USP24: variants seen among roughly 807,000 people sequenced by gnomAD.
USP24 encodes ubiquitin carboxyl-terminal hydrolase 24.
USP24 carries 97 observed loss-of-function variants against 361.6 expected under a neutral mutation model. The ratio of observed to expected loss-of-function variants is 0.27; its 90% CI spans 0.23 to 0.32. USP24 has a LOEUF of 0.32. Among genes scored for constraint, USP24 ranks in the 10% least tolerant of loss-of-function variants. USP24 has a pLI of 1.00. For missense variants in USP24, 2,353 were observed against 3,165.6 expected, an observed-to-expected ratio of 0.74 and a Z score of 6.16; for synonymous variants, 1,098 against 1,124.6, an observed-to-expected ratio of 0.98 and a Z score of 0.47.
intron 5 of USP24, among the ~76,000 whole-genome samples, chr1:55,167,973 G>T (rs1649055242): frequency 6.6e-6 from 1 of 152,156 alleles, no homozygotes; most frequent in South Asian, 2.1e-4. Context: ...TTGGGCCACA[G>T]AGATATAAAT....
intron 6 of USP24, 59 bp downstream of exon 6, chr1:55,166,509 G>C: frequency 6.8e-7 from 1 of 1,465,434 alleles, no homozygotes; most frequent in East Asian, 2.4e-5. Context: ...CAAACTCTAG[G>C]ACGTCTCATT....
At chr1:55,173,744 A>G (rs1649680874) in intron 3 of USP24, among the ~76,000 whole-genome samples, 2 of 152,374 alleles carry the variant, frequency 1.3e-5, no homozygotes, top group Non-Finnish European at 1.5e-5. Context: ...AGCAGAAGTC[A>G]TAAGACTGAT....
In USP24 at chr1:55,094,036, A is replaced by G. The variant is rs373402782; in HGVS notation, c.6255T>C (p.His2085=). Residue 2085 remains histidine, a synonymous_variant, in exon 52 of 68, where the codon CAT becomes CAC. Transcript: ENST00000294383. ...EISPQSSPRP[H]RPNNDRLSIL... is the part of the protein sequence containing the mutation. Reference sequence around the variant, plus strand: ...TAGACAGCCGGTCATTGTTCGGCCTATGGGGCCGAGGGGATGACTGAGGTG... The same window carrying G: ...TAGACAGCCGGTCATTGTTCGGCCTGTGGGGCCGAGGGGATGACTGAGGTG... 18 of 1,613,668 alleles carry G rather than the reference A, an allele frequency of 1.1e-5. No individual in the cohort carries two copies. Among genetic ancestry groups the G allele is most frequent in the Non-Finnish European group, 1.4e-5 (16 of 1,179,790 alleles).
chr1:55,199,618 T>TGAGAGAGA (rs771516226), intron 1 of USP24, among the ~76,000 whole-genome samples: 147 of 105,428 alleles, frequency 1.4e-3, no homozygotes, highest in African/African-American at 2.6e-3. Flanking sequence ...TGTGTGTGTG[T>TGAGAGAGA]GTGTGAGAGA....
intron 45 of USP24, among the ~76,000 whole-genome samples, chr1:55,099,184 T>C (rs910377341): frequency 2.6e-5 from 4 of 152,172 alleles, no homozygotes; most frequent in Non-Finnish European, 4.4e-5. Context: ...AGAAAGAATA[T>C]GTAGGTAGGA....
intron 1 of USP24, among the ~76,000 whole-genome samples, chr1:55,206,083 G>A (rs1009353192): frequency 6.6e-6 from 1 of 152,162 alleles, no homozygotes; most frequent in African/African-American, 2.4e-5. Context: ...CAAATCCTGG[G>A]CTGAATACTC....
chr1:55,127,313 C>T lies in USP24; in HGVS notation c.3636-1555G>A, dbSNP rs372580037. Among the ~76,000 whole-genome samples, 39 of 151,944 alleles carry T rather than the reference C, an allele frequency of 2.6e-4. No homozygotes were observed. In the South Asian group the frequency reaches 4.0e-3, roughly 15 times the overall value. ...ATTCCCACCTATGGGTGAGAACATG[C>T]GGTGTTTGGTTTTTTGTCCTTGCAA... On this transcript the variant is annotated intron_variant, in intron 32 of 67. Coordinates refer to ENST00000294383, the MANE Select transcript of USP24 (RefSeq NM_015306.3).
intron 26 of USP24, 135 bp from the exon 27 acceptor site, chr1:55,138,039 C>T: frequency 1.2e-6 from 1 of 801,434 alleles, no homozygotes. Flanking sequence ...AAGACAAGAA[C>T]CCCTGCCCTC....
chr1:55,159,375 A>G (rs1035344217), intron 9 of USP24, among the ~76,000 whole-genome samples: 1 of 152,208 alleles, frequency 6.6e-6, no homozygotes, highest in African/African-American at 2.4e-5. Context: ...CATGTTAGTA[A>G]AATTCTGAAT....
At chr1:55,168,422 A>G (rs538836385) in intron 5 of USP24, among the ~76,000 whole-genome samples, 1 of 152,262 alleles carries the variant, frequency 6.6e-6, no homozygotes, top group South Asian at 2.1e-4. Context: ...AGTTGACAAA[A>G]AAAAAAATTA....
At chr1:55,127,518 C>G (rs1322922377) in intron 32 of USP24, among the ~76,000 whole-genome samples, 1 of 152,106 alleles carries the variant, frequency 6.6e-6, no homozygotes, top group Non-Finnish European at 1.5e-5. Context: ...AATAGTGCCG[C>G]AATAAACATA....
chr1:55,180,531 G>GTA lies in USP24; in HGVS notation c.325-2401_325-2400dup, dbSNP rs142072238. On this transcript the variant is annotated intron_variant, in intron 1 of 67. Transcript: ENST00000294383. ...CTTAGTCTTCCAGCTGAGGTTCTCA[G>GTA]TATCATGGAGCAGAGATAAACTGCT... Among the ~76,000 whole-genome samples, 291 of 152,286 alleles carry GTA rather than the reference G, an allele frequency of 1.9e-3. 5 individuals carry two copies. In the East Asian group the frequency reaches 0.04, roughly 21 times the overall value.
At position 55,165,872 on chromosome 1, in the gene USP24, T is replaced by C. The variant is rs762093579; in HGVS notation, c.927+13A>G. The C allele has an allele frequency of 1.3e-6, 2 of 1,585,388 alleles. No individual in the cohort carries two copies. Among genetic ancestry groups the C allele is most frequent in the Non-Finnish European group, 8.6e-7 (1 of 1,162,770 alleles). On this transcript the variant is annotated intron_variant, in intron 7 of 67. Transcript: ENST00000294383. ...GAATTTCCACAGTGAGCATATACAGTAGTTTAACTTACCCCAAGTTCTATA... is the reference window on the plus strand; with the variant it reads ...GAATTTCCACAGTGAGCATATACAGCAGTTTAACTTACCCCAAGTTCTATA...
At chr1:55,167,601 G>A (rs1469057591) in intron 5 of USP24, among the ~76,000 whole-genome samples, 1 of 152,152 alleles carries the variant, frequency 6.6e-6, no homozygotes, top group Admixed American at 6.5e-5. Context: ...ATGGGAGAAT[G>A]AGACATAGTC....
chr1:55,178,662 T>G (rs1401499783), intron 1 of USP24, among the ~76,000 whole-genome samples: 2 of 148,538 alleles, frequency 1.3e-5, no homozygotes, highest in African/African-American at 4.9e-5. Flanking sequence ...GGCAACAGAG[T>G]GAGACTCCGT....
chr1:55,195,822 G>A (rs1644403274), intron 1 of USP24, among the ~76,000 whole-genome samples: 1 of 152,122 alleles, frequency 6.6e-6, no homozygotes, highest in Non-Finnish European at 1.5e-5. Flanking sequence ...TTGTTTAACA[G>A]GTACAGAGTT....
intron 1 of USP24, among the ~76,000 whole-genome samples, chr1:55,209,753 T>C (rs187719101): frequency 1.3e-5 from 2 of 152,286 alleles, no homozygotes; most frequent in East Asian, 1.9e-4. Flanking sequence ...TTCCATCTTA[T>C]GTGTTTACTT....
At chr1:55,117,818 C>T (rs1261401391) in intron 38 of USP24, among the ~76,000 whole-genome samples, 3 of 147,862 alleles carry the variant, frequency 2.0e-5, no homozygotes, top group African/African-American at 7.5e-5. Flanking sequence ...CATACAGAAT[C>T]AACACAAAAA....
At position 55,106,244 on chromosome 1, in the gene USP24, T is replaced by C. The variant is rs769058591; in HGVS notation, c.4782A>G (p.Pro1594=). 9 of 1,612,334 alleles carry C rather than the reference T, an allele frequency of 5.6e-6. No individual in the cohort carries two copies. Among genetic ancestry groups the C allele is most frequent in the Non-Finnish European group, 6.8e-6 (8 of 1,178,496 alleles). The change falls in exon 41 of 68, where the codon CCA becomes CCG. Residue 1594 remains proline, a synonymous_variant. Coordinates refer to ENST00000294383, the MANE Select transcript of USP24 (RefSeq NM_015306.3). ...KEMLGSSLIK[P]LLDDFLFRAS... is the part of the protein sequence containing the mutation. ...CTCGGAAAAGGAAGTCATCTAACAA[T>C]GGTTTAATGAGTGATGAACCTGGAA...
Sources: allele counts gnomAD v4.1 joint callset (sites outside exome capture counted in the v4.1 genomes callset), GRCh38; gene constraint gnomAD v4.1.1; transcripts MANE v1.5; gene names NCBI Gene and HGNC (gene_info 2026-07-23, HGNC 2026-07-21).